HSP90B1: variants seen among roughly 807,000 people sequenced by gnomAD.
HSP90B1 encodes the protein heat shock protein 90 beta family member 1.
Under a neutral mutation model 100.4 loss-of-function variants are expected in HSP90B1, and 27 were observed. The observed-to-expected ratio is 0.27, with a 90% CI of 0.20 to 0.37. HSP90B1 has a LOEUF of 0.37. Ranked by LOEUF, HSP90B1 falls within the 10% of genes least tolerant of loss-of-function variation. HSP90B1 has a pLI of 1.00. For missense variants in HSP90B1, 678 were observed against 960.5 expected, an observed-to-expected ratio of 0.71 and a Z score of 3.89; for synonymous variants, 304 against 330.8, an observed-to-expected ratio of 0.92 and a Z score of 0.88.
At chr12:103,944,718 G>A (rs960793627) in intron 14 of HSP90B1, among the ~76,000 whole-genome samples, 22 of 152,176 alleles carry the variant, frequency 1.4e-4, no homozygotes, top group African/African-American at 3.9e-4. Flanking sequence ...CAGCACACCC[G>A]CTAATTTTTG....
Position 103,943,463 on chromosome 12 carries a change from A to G in HSP90B1, c.1890+144A>G, listed in dbSNP as rs1048454119. On this transcript the variant is annotated intron_variant, in intron 13 of 17. Coordinates refer to ENST00000299767, the MANE Select transcript of HSP90B1 (RefSeq NM_003299.3). This position sits in a 1 kb window ranked among gnomAD's most constrained non-coding sequence, Gnocchi z 5.3. ...ATTAATGTAATTAAATTATTGGGAG[A>G]AAGCTTAAAACTTTCGACAATACTG... is the stretch of plus-strand genomic sequence containing the variant. The G allele has an allele frequency of 2.5e-6, 2 of 813,152 alleles. No individual in the cohort carries two copies. Among genetic ancestry groups the G allele is most frequent in the Admixed American group, 2.9e-5 (1 of 33,918 alleles). The allele number at this position is 813,152 out of a possible 1,614,324, so 50.4% of individuals were successfully genotyped here. A position where few individuals can be genotyped will look rare whatever the true frequency, so the allele number is the denominator to read the frequency against.
In HSP90B1 at chr12:103,943,571, CAAGT is replaced by C; in HGVS notation, c.1891-162_1891-159del. ...CTTCTGACTAGAAAATTCAGATTAT[CAAGT>C]AAGTGCCCCTACAAATTCTCCTAAA... is the stretch of plus-strand genomic sequence containing the variant. On this transcript the variant is annotated intron_variant, in intron 13 of 17. Transcript: ENST00000299767. The surrounding 1 kb of genome is among the most constrained non-coding windows in gnomAD (Gnocchi z 5.3). 3 of 727,084 alleles carry C rather than the reference CAAGT, an allele frequency of 4.1e-6. No homozygotes were observed. Among genetic ancestry groups the C allele is most frequent in the Non-Finnish European group, 6.5e-6 (3 of 461,596 alleles). The allele number at this position is 727,084 out of a possible 1,614,324, so 45.0% of individuals were successfully genotyped here. A position where few individuals can be genotyped will look rare whatever the true frequency, so the allele number is the denominator to read the frequency against.
In HSP90B1 at chr12:103,930,433, G is replaced by A. The variant is rs1258722039; in HGVS notation, c.-83G>A. ...GTAGTGGGCGGACCGCGCGGCTGGA[G>A]GTGTGAGGATCCGAACCCAGGGGTG... is the stretch of plus-strand genomic sequence containing the variant. On this transcript the variant is annotated 5_prime_UTR_variant, in exon 1 of 18. Transcript: ENST00000299767. This position sits in a 1 kb window ranked among gnomAD's most constrained non-coding sequence, Gnocchi z 4.4. 1.5e-6 allele frequency: 2 copies of A among 1,319,672 alleles called. No individual in the cohort carries two copies. The highest frequency in any genetic ancestry group is 2.3e-5 in the Admixed American group (1 of 42,952). The allele number at this position is 1,319,672 out of a possible 1,614,324, so 81.7% of individuals were successfully genotyped here. A position where few individuals can be genotyped will look rare whatever the true frequency, so the allele number is the denominator to read the frequency against.
At chr12:103,947,051 T>G (rs1870256882) in intron 16 of HSP90B1, 110 bp downstream of exon 16, 2 of 1,258,400 alleles carry the variant, frequency 1.6e-6, no homozygotes, top group Admixed American at 5.0e-5. Context: ...TTTGCCTAAT[T>G]TCTACCTTTT....
rs370111066 is a variant in HSP90B1, at chr12:103,938,493, G to A, written c.975+34G>A. ...GGTTTATCTCCCTGCATAAGATATT[G>A]TTTAACATGTATAGGCAAAACCAGG... On this transcript the variant is annotated intron_variant, in intron 7 of 17. Transcript: ENST00000299767. 1.4e-5 allele frequency: 22 copies of A among 1,593,890 alleles called. No individual in the cohort carries two copies. In the African/African-American group the frequency reaches 2.6e-4, roughly 19 times the overall value.
Position 103,934,132 on chromosome 12 carries a change from T to G in HSP90B1, c.588T>G (p.Gly196=). The change falls in exon 5 of 18, where the codon GGT becomes GGG. Residue 196 remains glycine (G), a synonymous_variant. Transcript: ENST00000299767. ...CTTCTGAATTGATTGGCCAGTTTGG[T>G]GTCGGTTTCTATTCCGCCTTCCTTG... ...QSTSELIGQF[G]VGFYSAFLVA... The G allele has an allele frequency of 6.2e-7, 1 of 1,614,212 alleles. No homozygotes were observed.
At position 103,943,478 on chromosome 12, in the gene HSP90B1, C is replaced by T. The variant is rs888558649; in HGVS notation, c.1890+159C>T. On this transcript the variant is annotated intron_variant, in intron 13 of 17. Transcript: ENST00000299767. This position sits in a 1 kb window ranked among gnomAD's most constrained non-coding sequence, Gnocchi z 5.3. ...TTATTGGGAGAAAGCTTAAAACTTTCGACAATACTGCTTTGTTAATAACTT... is the reference window on the plus strand; with the variant it reads ...TTATTGGGAGAAAGCTTAAAACTTTTGACAATACTGCTTTGTTAATAACTT... 90 of 742,766 alleles carry T rather than the reference C, an allele frequency of 1.2e-4. No homozygotes were observed. The East Asian group carries it at 1.7e-3, about 14-fold the overall frequency. The allele number at this position is 742,766 out of a possible 1,614,324, so 46.0% of individuals were successfully genotyped here.
In HSP90B1 at chr12:103,943,631, T is replaced by A; in HGVS notation, c.1891-107T>A. 8.8e-7 allele frequency: 1 copy of A among 1,140,834 alleles called. No individual in the cohort carries two copies. 70.7% of individuals were successfully genotyped at this position (1,140,834 alleles called of 1,614,324 possible). A position where few individuals can be genotyped will look rare whatever the true frequency, so the allele number is the denominator to read the frequency against. On this transcript the variant is annotated intron_variant, in intron 13 of 17. Coordinates refer to ENST00000299767, the MANE Select transcript of HSP90B1 (RefSeq NM_003299.3). The surrounding 1 kb of genome is among the most constrained non-coding windows in gnomAD (Gnocchi z 5.3). The stretch of plus-strand genomic sequence containing the variant: ...AGAAAAGCTATTTTTATGACCTGCT[T>A]CTGTGTTTATGATCTTAAGTGATAA...
chr12:103,940,780 A>AT (rs1200317844), intron 8 of HSP90B1, among the ~76,000 whole-genome samples: 1 of 152,244 alleles, frequency 6.6e-6, no homozygotes, highest in Non-Finnish European at 1.5e-5. Context: ...CATAATCAAT[A>AT]TAAAAACTAA....
chr12:103,940,207 C>T (rs1414744946), intron 8 of HSP90B1, among the ~76,000 whole-genome samples: 1 of 152,098 alleles, frequency 6.6e-6, no homozygotes, highest in Admixed American at 6.5e-5. Flanking sequence ...CCACAAAACC[C>T]GTAAAACATG....
Position 103,943,333 on chromosome 12 carries a change from T to C in HSP90B1, c.1890+14T>C. ...CTTAAGGACAAGGTACTGTGGAAAT[T>C]ACAAATTGTGGAAATATTAGTATCA... On this transcript the variant is annotated intron_variant, in intron 13 of 17. Coordinates refer to ENST00000299767, the MANE Select transcript of HSP90B1 (RefSeq NM_003299.3). This position sits in a 1 kb window ranked among gnomAD's most constrained non-coding sequence, Gnocchi z 5.3. The C allele has an allele frequency of 6.2e-7, 1 of 1,610,552 alleles. No homozygotes were observed. Among genetic ancestry groups the C allele is most frequent in the Non-Finnish European group, 8.5e-7 (1 of 1,178,128 alleles).
Position 103,942,787 on chromosome 12 carries a change from C to G in HSP90B1, c.1635C>G (p.Ser545Arg). 2 of 1,613,750 alleles carry G rather than the reference C, an allele frequency of 1.2e-6. No individual in the cohort carries two copies. Among genetic ancestry groups the G allele is most frequent in the South Asian group, 2.2e-5 (2 of 91,028 alleles). Reference protein sequence around the residue: ...QDKIYFMAGSSRKEAESSPFV... With the variant: ...QDKIYFMAGSRRKEAESSPFV... ...AAATCTACTTCATGGCTGGGTCCAG[C>G]AGAAAAGAGGTGAGATGAACTCATA... The change falls in exon 12 of 18, where the codon AGC becomes AGG. Residue 545 changes from serine to arginine, a missense_variant. Physicochemically the swap from Ser to Arg is moderately radical, Grantham distance 110 (BLOSUM62 -1). Around this residue, in one of 8 missense-constraint regions of HSP90B1, gnomAD observed 170 missense variants for 236.7 expected, o/e 0.72. Transcript: ENST00000299767.
intron 16 of HSP90B1, 128 bp from the exon 17 acceptor site, chr12:103,947,183 C>T (rs1211447005): frequency 1.5e-6 from 2 of 1,297,464 alleles, no homozygotes; most frequent in African/African-American, 3.0e-5. Context: ...GCTGTTCATT[C>T]TAGTTAAGAG....
chr12:103,938,239 C>A (rs958995048), intron 6 of HSP90B1, 101 bp from the exon 7 acceptor site: 3 of 1,070,198 alleles, frequency 2.8e-6, no homozygotes, highest in Non-Finnish European at 3.9e-6. Flanking sequence ...GGTTTTCTTA[C>A]AAAAACCTAT....
intron 5 of HSP90B1, 110 bp from the exon 6 acceptor site, chr12:103,937,584 AG>A (rs1410837043): frequency 4.6e-6 from 3 of 654,058 alleles, no homozygotes. Context: ...ATGAATAATT[AG>A]GACATCTTGG....
intron 5 of HSP90B1, 51 bp downstream of exon 5, chr12:103,934,338 G>A (rs1951506087): frequency 7.2e-7 from 1 of 1,388,338 alleles, no homozygotes; most frequent in South Asian, 1.2e-5. Context: ...TGAGGATCTT[G>A]ACTCTCCAGT....
intron 14 of HSP90B1, 118 bp from the exon 15 acceptor site, chr12:103,946,500 C>T (rs1315630273): frequency 2.7e-6 from 2 of 727,720 alleles, no homozygotes; most frequent in Non-Finnish European, 4.6e-6. Context: ...GTCAATAGTA[C>T]ATTTTGATTT....
chr12:103,947,506 TAA>T (rs1296883571), intron 17 of HSP90B1, 76 bp downstream of exon 17: 2 of 1,610,958 alleles, frequency 1.2e-6, no homozygotes, highest in Non-Finnish European at 1.7e-6. Flanking sequence ...CTGGCAAAGT[TAA>T]GACTGTGTAA....
chr12:103,934,976 C>T (rs1869868826), intron 5 of HSP90B1, among the ~76,000 whole-genome samples: 1 of 152,188 alleles, frequency 6.6e-6, no homozygotes, highest in Non-Finnish European at 1.5e-5. Context: ...GCTGGGATTA[C>T]AAGCATGAGC....
Sources: gnomAD v4.1 joint callset for allele counts (sites outside exome capture counted in the v4.1 genomes callset) on GRCh38, gnomAD v4.1.1 for gene constraint, gnomAD v4.1.1 regional missense constraint, Gnocchi (gnomAD v3.1) non-coding constraint, MANE v1.5 for transcripts, NCBI Gene and HGNC (gene_info 2026-07-23, HGNC 2026-07-21) for gene names.